ANAPC1: variants seen among roughly 807,000 people sequenced by gnomAD.
The protein encoded by ANAPC1 is anaphase promoting complex subunit 1.
In ANAPC1, 36 loss-of-function variants were observed where a neutral mutation model predicts 208.0. That is an observed-to-expected ratio of 0.17 (90% CI 0.13 to 0.23). ANAPC1 has a LOEUF of 0.23. ANAPC1 is among the 10% of genes least tolerant of loss of function. The pLI, the probability that ANAPC1 is intolerant of heterozygous loss-of-function variation, is 1.00. For synonymous variants in ANAPC1, 378 were observed against 695.2 expected (o/e 0.54, Z 7.18); for missense variants, 942 against 2,011.6 (o/e 0.47, Z 10.17).
intron 39 of ANAPC1, among the ~76,000 whole-genome samples, chr2:111,787,523 C>T (rs1454750031): frequency 1.3e-5 from 2 of 152,148 alleles, no homozygotes; most frequent in Non-Finnish European, 2.9e-5. Context: ...GGCTCTTGAC[C>T]TGTCTCTGGG....
chr2:111,872,779 G>GA, intron 5 of ANAPC1, 67 bp from the exon 6 acceptor site: 2 of 997,240 alleles, frequency 2.0e-6, no homozygotes, highest in Non-Finnish European at 1.5e-6. Context: ...ATGTTTTAAA[G>GA]AAACATTACA....
At chr2:111,824,338 T>A (rs528735937) in intron 24 of ANAPC1, among the ~76,000 whole-genome samples, 23 of 152,110 alleles carry the variant, frequency 1.5e-4, no homozygotes, top group Admixed American at 9.8e-4. Context: ...ACTTTACTTT[T>A]TAACATACAT....
intron 14 of ANAPC1, among the ~76,000 whole-genome samples, chr2:111,849,249 T>C (rs1164883857): frequency 6.6e-6 from 1 of 152,240 alleles, no homozygotes; most frequent in Non-Finnish European, 1.5e-5. Flanking sequence ...AAGACTATCA[T>C]TTCCATGACT....
chr2:111,853,857 C>T (rs1235944589), intron 13 of ANAPC1, among the ~76,000 whole-genome samples: 1 of 152,102 alleles, frequency 6.6e-6, no homozygotes, highest in Non-Finnish European at 1.5e-5. Flanking sequence ...GCTGGAACTA[C>T]AGGCACCCGC....
At chr2:111,883,194 A>C (rs1235419431) in intron 1 of ANAPC1, among the ~76,000 whole-genome samples, 1 of 20,952 alleles carries the variant, frequency 4.8e-5, no homozygotes, top group African/African-American at 1.1e-4. Context: ...AAAACCCCAC[A>C]AAAAAAAAAA....
chr2:111,836,713 A>C (rs1026702665), intron 18 of ANAPC1, among the ~76,000 whole-genome samples: 1 of 152,092 alleles, frequency 6.6e-6, no homozygotes, highest in African/African-American at 2.4e-5. Context: ...TCACACCTGT[A>C]ATCTCAGCAC....
intron 13 of ANAPC1, among the ~76,000 whole-genome samples, chr2:111,854,132 G>A (rs1397992017): frequency 6.6e-6 from 1 of 152,138 alleles, no homozygotes; most frequent in Non-Finnish European, 1.5e-5. Flanking sequence ...TCCTTCACAG[G>A]CTGCAGAACA....
At chr2:111,771,336 CAT>C (rs1676726586) in intron 47 of ANAPC1, among the ~76,000 whole-genome samples, 1 of 151,932 alleles carries the variant, frequency 6.6e-6, no homozygotes, top group South Asian at 2.1e-4. Context: ...GCTAAAATAT[CAT>C]TAAGTAACTC....
intron 1 of ANAPC1, among the ~76,000 whole-genome samples, chr2:111,883,165 CA>C (rs141124163): frequency 0.36 from 38,703 of 107,992 alleles, 4,844 homozygotes; most frequent in Non-Finnish European, 0.38. Flanking sequence ...GACTCCTTCT[CA>C]AAAAAAAAAA....
chr2:111,861,333 C>G (rs145455105), intron 10 of ANAPC1, among the ~76,000 whole-genome samples: 1 of 152,206 alleles, frequency 6.6e-6, no homozygotes, highest in Non-Finnish European at 1.5e-5. Context: ...GCCTCAGCCT[C>G]CCAAAGTGAG....
intron 20 of ANAPC1, among the ~76,000 whole-genome samples, chr2:111,832,305 G>GAAAA (rs11431305): frequency 0.026 from 1,965 of 75,896 alleles, 48 homozygotes; most frequent in African/African-American, 0.08. Context: ...CCTGTCTCAA[G>GAAAA]AAAAAAAAAA....
intron 21 of ANAPC1, among the ~76,000 whole-genome samples, 173 bp downstream of exon 21, chr2:111,831,113 A>C (rs1257718441): frequency 6.6e-6 from 1 of 152,256 alleles, no homozygotes; most frequent in African/African-American, 2.4e-5. Flanking sequence ...CATGAGAGAA[A>C]TTTTTGAGGG....
chr2:111,799,553 CCAAAGGA>C (rs1678337995), intron 34 of ANAPC1, among the ~76,000 whole-genome samples: 2 of 146,508 alleles, frequency 1.4e-5, no homozygotes, highest in African/African-American at 5.0e-5. Context: ...AACATGATGC[CCAAAGGA>C]AATGCTCATT....
chr2:111,810,275 AGTG>A (rs1361108375), intron 28 of ANAPC1, among the ~76,000 whole-genome samples: 2 of 136,788 alleles, frequency 1.5e-5, no homozygotes, highest in Non-Finnish European at 3.1e-5. Flanking sequence ...AAAGTAGATT[AGTG>A]GTTGGCAGGA....
At chr2:111,830,744 A>G (rs1166709462) in intron 21 of ANAPC1, among the ~76,000 whole-genome samples, 1 of 152,254 alleles carries the variant, frequency 6.6e-6, no homozygotes, top group Admixed American at 6.5e-5. Flanking sequence ...TGACAATACC[A>G]AACACCAACA....
intron 9 of ANAPC1, among the ~76,000 whole-genome samples, chr2:111,862,917 A>G (rs1682157415): frequency 1.3e-5 from 2 of 152,144 alleles, no homozygotes; most frequent in African/African-American, 2.4e-5. Flanking sequence ...AGACATATAT[A>G]TTTATCAACA....
At chr2:111,859,567 T>C (rs1382418907) in intron 10 of ANAPC1, among the ~76,000 whole-genome samples, 2 of 152,220 alleles carry the variant, frequency 1.3e-5, no homozygotes, top group Non-Finnish European at 1.5e-5. Context: ...AAATAAGTTA[T>C]TTAAAGAAAA....
intron 20 of ANAPC1, among the ~76,000 whole-genome samples, chr2:111,831,825 T>C (rs1573415894): frequency 7.7e-5 from 5 of 64,886 alleles, no homozygotes; most frequent in South Asian, 5.8e-4. Flanking sequence ...AGACTCTGTC[T>C]CAAAAAAAAA....
chr2:111,858,680 TGA>T (rs1208016734), intron 10 of ANAPC1, among the ~76,000 whole-genome samples: 1 of 149,146 alleles, frequency 6.7e-6, no homozygotes, highest in Non-Finnish European at 1.5e-5. Context: ...GAGAATGGCA[TGA>T]ACCCAGGAGG....
Sources: gnomAD v4.1 joint callset for allele counts (sites outside exome capture counted in the v4.1 genomes callset) on GRCh38, gnomAD v4.1.1 for gene constraint, MANE v1.5 for transcripts, NCBI Gene and HGNC (gene_info 2026-07-23, HGNC 2026-07-21) for gene names.